MADD: variants seen among roughly 807,000 people sequenced by gnomAD.
MADD encodes MAP kinase activating death domain.
A neutral mutation model predicts 176.7 loss-of-function variants in MADD; 109 were observed. That is an observed-to-expected ratio of 0.62 (90% CI 0.53 to 0.72). The LOEUF is 0.72. MADD is among the 30% of genes least tolerant of loss of function. The pLI is 0.00. For synonymous variants in MADD, 771 were observed against 771.3 expected, an observed-to-expected ratio of 1.00 and a Z score of 0.01; for missense variants, 1,914 against 2,045.5, an observed-to-expected ratio of 0.94 and a Z score of 1.24.
chr11:47,309,634 C>G (rs1370920914), intron 25 of MADD, 22 bp downstream of exon 28: 1 of 1,574,156 alleles, frequency 6.4e-7, no homozygotes, highest in Non-Finnish European at 8.7e-7. Flanking sequence ...TTTGCTGTGT[C>G]CAGCTCCGCT....
intron 7 of MADD, 41 bp from the exon 8 acceptor site, chr11:47,281,534 G>C: frequency 6.5e-7 from 1 of 1,536,008 alleles, no homozygotes; most frequent in Non-Finnish European, 8.9e-7. Flanking sequence ...TAGCTGCCCA[G>C]GGACGTTCCT....
upstream of MADD, chr11:47,269,364 G>A (rs1043007399): frequency 5.2e-5 from 8 of 152,506 alleles, no homozygotes; most frequent in African/African-American, 1.9e-4. Flanking sequence ...TGCGGTGGAG[G>A]AGGAAGTGTT....
intron 7 of MADD, among the ~76,000 whole-genome samples, chr11:47,279,776 A>G (rs953115562): frequency 1.3e-5 from 2 of 151,878 alleles, no homozygotes; most frequent in African/African-American, 4.8e-5. Flanking sequence ...CCTTTCTTCA[A>G]AAATTCCTTT....
chr11:47,289,757 G>C, intron 16 of MADD, 110 bp from the exon 18 acceptor site: 1 of 1,263,792 alleles, frequency 7.9e-7, no homozygotes, highest in Non-Finnish European at 1.1e-6. Context: ...GACATTCAGA[G>C]ACATGGCTTT....
chr11:47,287,776 A>C (rs1183778946), intron 15 of MADD, among the ~76,000 whole-genome samples: 3 of 144,150 alleles, frequency 2.1e-5, no homozygotes, highest in African/African-American at 7.7e-5. Context: ...GCAGTGAGAA[A>C]CATGTATTTT....
At chr11:47,269,747 G>C (rs1958418712), upstream of MADD, 1 of 152,014 alleles carries the variant, frequency 6.6e-6, no homozygotes, top group Non-Finnish European at 1.5e-5. Flanking sequence ...CACCGCCAAA[G>C]CGCGTGAGTG....
In MADD at chr11:47,311,717, G is replaced by T; in HGVS notation, c.3979-15G>T. 6.6e-7 allele frequency: 1 copy of T among 1,516,778 alleles called. No individual in the cohort carries two copies. The allele number at this position is 1,516,778 out of a possible 1,614,324, so 94.0% of individuals were successfully genotyped here. ...GAGCAGATCCCTTGTTAAGAGTCATGTGTTGGCTTTTCAGGTAAATAAGAA... is the reference window on the plus strand; with the variant it reads ...GAGCAGATCCCTTGTTAAGAGTCATTTGTTGGCTTTTCAGGTAAATAAGAA... On this transcript the variant is annotated splice_polypyrimidine_tract_variant and intron_variant, in intron 25 of 32. Transcript: ENST00000402192.
At position 47,284,173 on chromosome 11, in the gene MADD, T is replaced by G. The variant is rs767666562; in HGVS notation, c.1863-5T>G. On this transcript the variant is annotated splice_polypyrimidine_tract_variant and splice_region_variant and intron_variant, in intron 10 of 32. Transcript: ENST00000402192. ...TGTTTGTTTTTTATGCACTTCACTC[T>G]GCAGTGGCAGTGATAGTATGGATTA... The G allele has an allele frequency of 1.3e-5, 21 of 1,601,742 alleles. No individual in the cohort carries two copies. The highest frequency in any genetic ancestry group is 1.6e-5 in the Non-Finnish European group (19 of 1,168,804).
chr11:47,284,697 A>T, intron 12 of MADD, 132 bp downstream of exon 12: 1 of 1,295,074 alleles, frequency 7.7e-7, no homozygotes, highest in Non-Finnish European at 1.0e-6. Flanking sequence ...CATGGGCCCT[A>T]GAGCTTAGAG....
At chr11:47,327,300 G>A (rs1043620567) in intron 31 of MADD, 8 of 989,242 alleles carry the variant, frequency 8.1e-6, no homozygotes, top group Admixed American at 5.9e-5. Flanking sequence ...GGAGTCTAGC[G>A]GGACAGCTGT....
rs376109278 is a variant in MADD at position 47,293,473 on chromosome 11, TG to T, written c.3302-409del. ...TGCATCACCACGCCCGGCTAATTTTTGTATTTTTTGGTAGAGACAGGGTTTC... is the reference window on the plus strand; with the variant it reads ...TGCATCACCACGCCCGGCTAATTTTTTATTTTTTGGTAGAGACAGGGTTTC... On this transcript the variant is annotated intron_variant, in intron 19 of 32. Transcript: ENST00000402192. Among the ~76,000 whole-genome samples, 325 of 152,128 alleles carry T rather than the reference TG, an allele frequency of 2.1e-3. 1 individual carries two copies. The highest frequency in any genetic ancestry group is 7.0e-3 in the African/African-American group (290 of 41,480).
In MADD at chr11:47,325,943, G is replaced by T. The variant is rs183552711; in HGVS notation, c.4543-795G>T. On this transcript the variant is annotated intron_variant, in intron 30 of 32. Transcript: ENST00000402192. The surrounding 1 kb of genome is among the most constrained non-coding windows in gnomAD (Gnocchi z 4.5). ...ACCTCACAGTTAGTAATGAGATAGC[G>T]ACCTGCCCCCTATTCTGCCACACAG... Among the ~76,000 whole-genome samples, 7 of 152,322 alleles carry T rather than the reference G, an allele frequency of 4.6e-5. No individual in the cohort carries two copies. Among genetic ancestry groups the T allele is most frequent in the Admixed American group, 4.6e-4 (7 of 15,290 alleles).
chr11:47,278,922 CTTATTT>C, intron 6 of MADD, 71 bp from the exon 7 acceptor site: 1 of 1,234,408 alleles, frequency 8.1e-7, no homozygotes, highest in East Asian at 2.4e-5. Flanking sequence ...TATACGTCCT[CTTATTT>C]TTATTTATGT....
At chr11:47,323,397 CAA>C (rs79918782) in intron 27 of MADD, among the ~76,000 whole-genome samples, 34 of 128,420 alleles carry the variant, frequency 2.6e-4, no homozygotes, top group Admixed American at 2.4e-4. Flanking sequence ...GACCCTGTCT[CAA>C]AAAAAAAAAA....
At chr11:47,324,400 G>T in intron 29 of MADD, 63 bp downstream of exon 32, 2 of 1,602,524 alleles carry the variant, frequency 1.2e-6, no homozygotes, top group Non-Finnish European at 1.7e-6. Context: ...AGTGTCAGGG[G>T]CCTGGCAGGG....
chr11:47,315,992 C>T (rs974779898), intron 27 of MADD, among the ~76,000 whole-genome samples: 7 of 151,582 alleles, frequency 4.6e-5, no homozygotes, highest in East Asian at 2.0e-4. Context: ...CCACCATGCC[C>T]GGCCAATTTT....
intron 10 of MADD, among the ~76,000 whole-genome samples, chr11:47,283,975 T>A (rs990716405): frequency 2.0e-5 from 3 of 152,268 alleles, no homozygotes; most frequent in Non-Finnish European, 2.9e-5. Context: ...CCCAAAGTGC[T>A]TGGATTACAG....
chr11:47,285,707 C>T, intron 14 of MADD, 117 bp downstream of exon 14: 2 of 1,413,022 alleles, frequency 1.4e-6, no homozygotes, highest in Non-Finnish European at 2.0e-6. Flanking sequence ...CATTAGCAAG[C>T]CCTAATCCAG....
intron 20 of MADD, 64 bp from the exon 23 acceptor site, chr11:47,295,432 T>C: frequency 7.6e-7 from 1 of 1,321,620 alleles, no homozygotes. Flanking sequence ...AAAGGTACAG[T>C]ATTTCTGTGG....
Sources: allele counts gnomAD v4.1 joint callset (sites outside exome capture counted in the v4.1 genomes callset), GRCh38; gene constraint gnomAD v4.1.1; non-coding constraint Gnocchi (gnomAD v3.1); transcripts MANE v1.5; gene names NCBI Gene and HGNC (gene_info 2026-07-23, HGNC 2026-07-21).